TSPAN7: variants seen among roughly 807,000 people sequenced by gnomAD.
TSPAN7 encodes the protein tetraspanin-7.
A neutral mutation model predicts 17.6 loss-of-function variants in TSPAN7; 1 was observed. The observed-to-expected ratio is 0.06, with a 90% CI of 0.02 to 0.27. The LOEUF is 0.27. Among genes scored for constraint, TSPAN7 ranks in the 10% least tolerant of loss-of-function variants. The pLI is 1.00. For synonymous variants in TSPAN7, 78 were observed against 79.0 expected (o/e 0.99, Z 0.07); for missense variants, 112 against 201.7 (o/e 0.56, Z 2.69).
chrX:38,594,256 T>C (rs1275824115), intron 1 of TSPAN7, among the ~76,000 whole-genome samples: 1 of 111,712 alleles, frequency 9.0e-6, no homozygotes, highest in Non-Finnish European at 1.9e-5. Flanking sequence ...GATGCTGTTT[T>C]ATACAGTTAA....
At chrX:38,621,731 G>C (rs370598839) in intron 1 of TSPAN7, among the ~76,000 whole-genome samples, 5 of 94,033 alleles carry the variant, frequency 5.3e-5, no homozygotes, top group African/African-American at 2.2e-4. Flanking sequence ...TTACATTCGT[G>C]ATCTTTCAGA....
intron 3 of TSPAN7, among the ~76,000 whole-genome samples, chrX:38,671,920 C>T (rs2069823380): frequency 9.0e-6 from 1 of 110,728 alleles, no homozygotes; most frequent in South Asian, 3.9e-4. Flanking sequence ...TGGTGGCTTG[C>T]TTCTATAGTC....
intron 1 of TSPAN7, among the ~76,000 whole-genome samples, chrX:38,653,060 G>A (rs1569312390): frequency 8.9e-6 from 1 of 112,046 alleles, no homozygotes; most frequent in Non-Finnish European, 1.9e-5. Flanking sequence ...CTTCGAGTTG[G>A]ACAGAAATTG....
At chrX:38,677,067 C>CT (rs769739357) in intron 5 of TSPAN7, among the ~76,000 whole-genome samples, 2,584 of 111,191 alleles carry the variant, frequency 0.023, 72 homozygotes, top group African/African-American at 0.08. Context: ...GTACCCAAGT[C>CT]TTTTTTTTCC....
At chrX:38,590,212 C>T (rs1437798411) in intron 1 of TSPAN7, among the ~76,000 whole-genome samples, 3 of 112,074 alleles carry the variant, frequency 2.7e-5, no homozygotes, top group African/African-American at 9.7e-5. Context: ...TCAGGCAGTC[C>T]TTCCACCTCA....
intron 1 of TSPAN7, among the ~76,000 whole-genome samples, chrX:38,643,856 TAAAATAATAAAAC>T (rs1323092173): frequency 1.8e-5 from 2 of 109,985 alleles, no homozygotes; most frequent in Non-Finnish European, 3.8e-5. Context: ...AAAAATAAAA[TAAAATAATAAAAC>T]AAAATAAAAA....
chrX:38,597,208 G>T (rs1384248017), intron 1 of TSPAN7, among the ~76,000 whole-genome samples: 1 of 111,524 alleles, frequency 9.0e-6, no homozygotes, highest in Non-Finnish European at 1.9e-5. Flanking sequence ...TCACAGACAT[G>T]CACAGAGAAG....
chrX:38,669,194 T>C (rs1231822346), intron 2 of TSPAN7, among the ~76,000 whole-genome samples: 1 of 112,125 alleles, frequency 8.9e-6, no homozygotes, highest in Non-Finnish European at 1.9e-5. Context: ...CAAAACATCA[T>C]ACTGTACCCC....
At chrX:38,583,205 T>C (rs2069237213) in intron 1 of TSPAN7, among the ~76,000 whole-genome samples, 1 of 112,582 alleles carries the variant, frequency 8.9e-6, no homozygotes, top group Non-Finnish European at 1.9e-5. Context: ...TTTTTTAGCT[T>C]TCATTCTGGT....
chrX:38,613,089 A>G (rs904200280), intron 1 of TSPAN7, among the ~76,000 whole-genome samples: 17 of 112,180 alleles, frequency 1.5e-4, no homozygotes, highest in Middle Eastern at 4.6e-3. Context: ...TGGAATCTCC[A>G]TAACAGTTAT....
intron 6 of TSPAN7, among the ~76,000 whole-genome samples, chrX:38,683,027 A>G (rs1044802936): frequency 9.0e-6 from 1 of 111,556 alleles, no homozygotes; most frequent in Admixed American, 9.5e-5. Flanking sequence ...AAAAAAAAAT[A>G]TTGCTGAAGT....
At chrX:38,682,042 G>A (rs1189980335) in intron 6 of TSPAN7, among the ~76,000 whole-genome samples, 1 of 112,335 alleles carries the variant, frequency 8.9e-6, no homozygotes, top group African/African-American at 3.2e-5. Flanking sequence ...GCTTTGGGTA[G>A]AAGAATCAAC....
chrX:38,566,521 GT>G (rs899757775), intron 1 of TSPAN7, among the ~76,000 whole-genome samples: 3 of 111,712 alleles, frequency 2.7e-5, no homozygotes, highest in Non-Finnish European at 5.6e-5. Context: ...CAATGGGAAA[GT>G]TTTTTTAAAA....
At chrX:38,589,070 T>C (rs2069275557) in intron 1 of TSPAN7, among the ~76,000 whole-genome samples, 1 of 111,991 alleles carries the variant, frequency 8.9e-6, no homozygotes, top group Non-Finnish European at 1.9e-5. Flanking sequence ...GCAGCCAGGT[T>C]AGCATTAGAA....
intron 1 of TSPAN7, among the ~76,000 whole-genome samples, chrX:38,593,577 C>T (rs1342267718): frequency 2.7e-5 from 3 of 112,252 alleles, no homozygotes; most frequent in Non-Finnish European, 1.9e-5. Flanking sequence ...AGAAGTGGGA[C>T]CCTTAAGAGG....
chrX:38,683,652 C>T (rs1602127138), intron 6 of TSPAN7, among the ~76,000 whole-genome samples: 1 of 112,826 alleles, frequency 8.9e-6, no homozygotes, highest in African/African-American at 3.2e-5. Context: ...TGGCTTCTGC[C>T]AGCCAGATGC....
At chrX:38,658,229 G>A (rs1309623887) in intron 1 of TSPAN7, among the ~76,000 whole-genome samples, 1 of 111,338 alleles carries the variant, frequency 9.0e-6, no homozygotes, top group African/African-American at 3.3e-5. Flanking sequence ...CACCCAGGCT[G>A]GAGTGTGGTG....
chrX:38,683,396 T>G (rs1479588894), intron 6 of TSPAN7, among the ~76,000 whole-genome samples: 1 of 113,139 alleles, frequency 8.8e-6, no homozygotes, highest in Non-Finnish European at 1.9e-5. Flanking sequence ...TTGTTGAATA[T>G]GCACTGTGAC....
intron 6 of TSPAN7, among the ~76,000 whole-genome samples, chrX:38,683,117 C>A (rs904857309): frequency 2.9e-4 from 32 of 111,929 alleles, no homozygotes; most frequent in African/African-American, 9.7e-4. Flanking sequence ...CTCAAAGAAC[C>A]TGGAATCTCA....
Sources: allele counts gnomAD v4.1 joint callset (sites outside exome capture counted in the v4.1 genomes callset), GRCh38; gene constraint gnomAD v4.1.1; transcripts MANE v1.5; gene names NCBI Gene and HGNC (gene_info 2026-07-23, HGNC 2026-07-21).